The following PPP4R3A variants were observed in gnomAD, a reference collection of about 807,000 sequenced individuals.
PPP4R3A encodes the protein serine/threonine-protein phosphatase 4 regulatory subunit 3A.
A neutral mutation model predicts 91.7 loss-of-function variants in PPP4R3A; 15 were observed. The ratio of observed to expected loss-of-function variants is 0.16; its 90% CI spans 0.11 to 0.25. PPP4R3A has a LOEUF of 0.25. Among genes scored for constraint, PPP4R3A ranks in the 10% least tolerant of loss-of-function variants. The pLI, the probability that PPP4R3A is intolerant of heterozygous loss-of-function variation, is 1.00. For missense variants in PPP4R3A, 623 were observed against 998.4 expected (o/e 0.62, Z 5.07); for synonymous variants, 377 against 348.7 (o/e 1.08, Z -0.91).
At chr14:91,481,464 A>G in intron 4 of PPP4R3A, 112 bp downstream of exon 4, 3 of 1,122,782 alleles carry the variant, frequency 2.7e-6, no homozygotes, top group South Asian at 1.9e-5. Context: ...AATAACTCAC[A>G]ATACTTAACT....
chr14:91,485,367 A>G (rs1317132187), intron 3 of PPP4R3A, among the ~76,000 whole-genome samples: 1 of 152,214 alleles, frequency 6.6e-6, no homozygotes, highest in African/African-American at 2.4e-5. Context: ...TTGGTTTTGG[A>G]GTACTAAATT....
At chr14:91,470,173 A>C (rs139648374) in intron 10 of PPP4R3A, among the ~76,000 whole-genome samples, 1 of 152,314 alleles carries the variant, frequency 6.6e-6, no homozygotes, top group African/African-American at 2.4e-5. Context: ...ACTTACCAGT[A>C]AGGACCACTT....
intron 11 of PPP4R3A, among the ~76,000 whole-genome samples, chr14:91,463,212 T>C (rs560891210): frequency 7.9e-5 from 12 of 152,204 alleles, no homozygotes; most frequent in Middle Eastern, 6.8e-3. Context: ...ATTACATGCA[T>C]GCACCACCAC....
At chr14:91,484,214 C>CT (rs760215041) in intron 3 of PPP4R3A, among the ~76,000 whole-genome samples, 37 of 152,254 alleles carry the variant, frequency 2.4e-4, no homozygotes, top group Middle Eastern at 3.4e-3. Context: ...AAAGGGACAG[C>CT]TTAACAGACA....
intron 10 of PPP4R3A, among the ~76,000 whole-genome samples, chr14:91,468,968 G>A (rs1197608758): frequency 6.6e-6 from 1 of 151,922 alleles, no homozygotes; most frequent in African/African-American, 2.4e-5. Flanking sequence ...TGATTCCATT[G>A]ATGGCCAAGT....
At chr14:91,498,595 T>A (rs1890730789) in intron 1 of PPP4R3A, among the ~76,000 whole-genome samples, 1 of 152,088 alleles carries the variant, frequency 6.6e-6, no homozygotes, top group Non-Finnish European at 1.5e-5. Flanking sequence ...CTTGGGAGTC[T>A]GCTATGGGAG....
chr14:91,482,092 T>C lies in PPP4R3A; in HGVS notation c.399A>G (p.Pro133=). 6 of 1,614,110 alleles carry C rather than the reference T, an allele frequency of 3.7e-6. No individual in the cohort carries two copies. Among genetic ancestry groups the C allele is most frequent in the East Asian group, 2.2e-5 (1 of 44,872 alleles). ...DDMSSPGLEL[P]SCELSRLEEI... ...CTTCAAGGCGACTTAATTCACAAGA[T>C]GGCAATTCTAAGCCTGGCGATGACA... Residue 133 remains proline, a synonymous_variant, in exon 4 of 15, where the codon CCA becomes CCG. Coordinates refer to ENST00000554943, the MANE Select transcript of PPP4R3A (RefSeq NM_001366432.2).
At chr14:91,471,844 A>C (rs979660644) in intron 9 of PPP4R3A, among the ~76,000 whole-genome samples, 11 of 152,140 alleles carry the variant, frequency 7.2e-5, no homozygotes, top group African/African-American at 2.7e-4. Flanking sequence ...TGGGCAGATC[A>C]CTTGAGGCCA....
Position 91,477,007 on chromosome 14 carries a change from G to C in PPP4R3A, c.916-21C>G, listed in dbSNP as rs201889316. 18 of 1,555,758 alleles carry C rather than the reference G, an allele frequency of 1.2e-5. No homozygotes were observed. The East Asian group carries it at 3.9e-4, about 34-fold the overall frequency. On this transcript the variant is annotated intron_variant, in intron 4 of 14. Coordinates refer to ENST00000554943, the MANE Select transcript of PPP4R3A (RefSeq NM_001366432.2). Reference sequence around the variant, plus strand: ...TCTTCCTGTGAAACAAAGGACAAATGCAATTATGTTAATGCTAAGATTGTC... The same window carrying C: ...TCTTCCTGTGAAACAAAGGACAAATCCAATTATGTTAATGCTAAGATTGTC...
rs551670761 is a variant in PPP4R3A at position 91,476,800 on chromosome 14, C to T, written c.993+109G>A. ...CAGGCTGGTCTCAAACTTCTGACCT[C>T]GTGATCCACCCACCTCGGCCTCCCA... On this transcript the variant is annotated intron_variant, in intron 5 of 14. Transcript: ENST00000554943. 5.1e-5 allele frequency: 46 copies of T among 894,660 alleles called. No individual in the cohort carries two copies. In the East Asian group the frequency reaches 1.1e-3, roughly 22 times the overall value. The allele number at this position is 894,660 out of a possible 1,614,324, so 55.4% of individuals were successfully genotyped here. A position where few individuals can be genotyped will look rare whatever the true frequency, so the allele number is the denominator to read the frequency against.
chr14:91,491,286 CT>C (rs1890221127), intron 1 of PPP4R3A, among the ~76,000 whole-genome samples: 1 of 152,080 alleles, frequency 6.6e-6, no homozygotes, highest in African/African-American at 2.4e-5. Flanking sequence ...TCTCCAACTC[CT>C]GGGCTCAAGT....
intron 1 of PPP4R3A, among the ~76,000 whole-genome samples, chr14:91,500,238 C>G (rs536788993): frequency 8.8e-4 from 133 of 151,882 alleles, no homozygotes; most frequent in Non-Finnish European, 1.6e-3. Context: ...GGATTTCACT[C>G]TTGTCAGGCT....
At chr14:91,461,963 A>C in intron 13 of PPP4R3A, 86 bp downstream of exon 13, 1 of 1,414,664 alleles carries the variant, frequency 7.1e-7, no homozygotes, top group Non-Finnish European at 9.2e-7. Flanking sequence ...ACACCTTCCA[A>C]GCAAATAATC....
rs1891725291 is a variant in PPP4R3A, at chr14:91,510,300, A to G, written c.-653T>C. 1 of 152,578 alleles carries G rather than the reference A, an allele frequency of 6.6e-6. No homozygotes were observed. Among genetic ancestry groups the G allele is most frequent in the South Asian group, 2.1e-4 (1 of 4,846 alleles). 9.5% of individuals were successfully genotyped at this position (152,578 alleles called of 1,614,324 possible). On this transcript the variant is annotated 5_prime_UTR_variant, in exon 1 of 15. Coordinates refer to ENST00000554943, the MANE Select transcript of PPP4R3A (RefSeq NM_001366432.2). ...CCGCCGCCATCTTGGTTCGCCCCTC[A>G]AAAGCGGCGCGCGGGGCCACCCAGG...
chr14:91,496,172 G>A (rs548657735), intron 1 of PPP4R3A, among the ~76,000 whole-genome samples: 2 of 152,268 alleles, frequency 1.3e-5, no homozygotes, highest in African/African-American at 2.4e-5. Context: ...ATAGTGACTG[G>A]GGAGGAACCT....
chr14:91,475,711 CT>C (rs1889157582), intron 7 of PPP4R3A, 99 bp downstream of exon 7: 8 of 1,233,094 alleles, frequency 6.5e-6, no homozygotes, highest in Non-Finnish European at 9.0e-6. Flanking sequence ...TATGGCTACA[CT>C]TTTCCCAAAC....
At chr14:91,464,993 T>C (rs1479448321) in intron 11 of PPP4R3A, among the ~76,000 whole-genome samples, 5 of 152,188 alleles carry the variant, frequency 3.3e-5, no homozygotes, top group Admixed American at 2.6e-4. Flanking sequence ...GCAGCTTACC[T>C]CCTGCTGTGC....
intron 10 of PPP4R3A, among the ~76,000 whole-genome samples, chr14:91,466,940 AACACACACAC>A (rs10525073): frequency 4.7e-5 from 7 of 147,472 alleles, no homozygotes; most frequent in East Asian, 4.0e-4. Context: ...GTCCTACCAT[AACACACACAC>A]ACACACACAC....
At chr14:91,466,997 G>C (rs1249286449) in intron 10 of PPP4R3A, among the ~76,000 whole-genome samples, 2 of 149,478 alleles carry the variant, frequency 1.3e-5, no homozygotes, top group Non-Finnish European at 3.0e-5. Context: ...CTAGGTGAGT[G>C]AAAAACTCCT....
Sources: gnomAD v4.1 joint callset for allele counts (sites outside exome capture counted in the v4.1 genomes callset) on GRCh38, gnomAD v4.1.1 for gene constraint, MANE v1.5 for transcripts, NCBI Gene and HGNC (gene_info 2026-07-23, HGNC 2026-07-21) for gene names.